Variants in STPG2 observed in about 807,000 individuals in gnomAD.
STPG2 encodes sperm tail PG-rich repeat containing 2.
In STPG2, 56 loss-of-function variants were observed where a neutral mutation model predicts 54.2. The observed-to-expected ratio is 1.03, with a 90% CI of 0.83 to 1.29. The LOEUF (loss-of-function observed/expected upper bound fraction) is 1.29. Ranked by LOEUF, STPG2 falls within the 50% of genes most tolerant of loss-of-function variation. The pLI is 0.00. For synonymous variants in STPG2, 200 were observed against 181.8 expected (o/e 1.10, Z -0.81); for missense variants, 596 against 544.9 (o/e 1.09, Z -0.93).
intron 5 of STPG2, among the ~76,000 whole-genome samples, chr4:98,099,712 A>G (rs1738969179): frequency 6.6e-6 from 1 of 152,200 alleles, no homozygotes; most frequent in African/African-American, 2.4e-5. Flanking sequence ...GCATGCCTGT[A>G]TCAAAACATC....
chr4:98,075,203 C>T (rs1376683824), intron 5 of STPG2, among the ~76,000 whole-genome samples: 1 of 152,194 alleles, frequency 6.6e-6, no homozygotes, highest in Admixed American at 6.5e-5. Flanking sequence ...ACCACCAAAT[C>T]TAGCCTACAT....
At chr4:97,818,828 T>A (rs1022535161) in intron 9 of STPG2, among the ~76,000 whole-genome samples, 1 of 151,662 alleles carries the variant, frequency 6.6e-6, no homozygotes, top group African/African-American at 2.4e-5. Context: ...AAACTAATAA[T>A]CTGTGTACTA....
At chr4:97,498,152 T>A (rs971164897) in intron 4 of STPG2, among the ~76,000 whole-genome samples, 2 of 151,980 alleles carry the variant, frequency 1.3e-5, no homozygotes, top group South Asian at 4.1e-4. Flanking sequence ...AAAAACATAG[T>A]CTAGTCCCCA....
At chr4:98,053,555 T>C (rs1737393988) in intron 5 of STPG2, among the ~76,000 whole-genome samples, 1 of 152,134 alleles carries the variant, frequency 6.6e-6, no homozygotes, top group South Asian at 2.1e-4. Context: ...AATCTAAATT[T>C]GAGTAAAAGT....
intron 3 of STPG2, among the ~76,000 whole-genome samples, chr4:98,113,262 G>A (rs1052853404): frequency 1.3e-5 from 2 of 152,008 alleles, no homozygotes; most frequent in African/African-American, 4.8e-5. Context: ...TGTACTCAAT[G>A]GAAAGAGACT....
At chr4:97,740,182 C>T (rs1560509635) in intron 9 of STPG2, among the ~76,000 whole-genome samples, 1 of 152,180 alleles carries the variant, frequency 6.6e-6, no homozygotes, top group Non-Finnish European at 1.5e-5. Flanking sequence ...GCTAAAAACT[C>T]TCAATAAATT....
intron 5 of STPG2, among the ~76,000 whole-genome samples, chr4:97,994,372 T>C (rs940918841): frequency 3.9e-5 from 6 of 152,216 alleles, no homozygotes; most frequent in East Asian, 1.9e-4. Context: ...GTTGAGACTT[T>C]TTTTGTGGCC....
chr4:97,616,090 ATATATG>A (rs1373426315), intron 10 of STPG2, among the ~76,000 whole-genome samples: 4 of 84,890 alleles, frequency 4.7e-5, no homozygotes, highest in East Asian at 6.3e-4. Flanking sequence ...ATATATATAT[ATATATG>A]TATGTATATT....
intron 10 of STPG2, among the ~76,000 whole-genome samples, chr4:97,599,287 C>T (rs1204176254): frequency 6.6e-6 from 1 of 152,166 alleles, no homozygotes; most frequent in Non-Finnish European, 1.5e-5. Context: ...TGCTTATACA[C>T]CTCTGGTGGG....
intron 4 of STPG2, among the ~76,000 whole-genome samples, chr4:97,486,542 C>G (rs1428117677): frequency 6.6e-6 from 1 of 151,660 alleles, no homozygotes; most frequent in East Asian, 1.9e-4. Context: ...ATGCAGTGAA[C>G]AGGGAACACT....
intron 8 of STPG2, among the ~76,000 whole-genome samples, chr4:97,923,847 C>T (rs1179272940): frequency 6.6e-6 from 1 of 152,178 alleles, no homozygotes; most frequent in Non-Finnish European, 1.5e-5. Context: ...ATTGTAAACA[C>T]ACCAGTCAGC....
rs1440210061 is a variant in STPG2, at chr4:97,780,547, C to A, written c.1204+60226G>T. ...CGAGACAGAAAGTTAACAAGGATAT[C>A]CAGGAATTGAACTCAGCTCTGCAAC... On this transcript the variant is annotated intron_variant, in intron 9 of 10. Coordinates refer to ENST00000295268, the MANE Select transcript of STPG2 (RefSeq NM_174952.3). Among the ~76,000 whole-genome samples, 3 of 100,146 alleles carry A rather than the reference C, an allele frequency of 3.0e-5. No individual in the cohort carries two copies. The East Asian group carries it at 8.1e-4, about 27-fold the overall frequency. The allele number at this position is 100,146 out of a possible 152,430, so 65.7% of individuals were successfully genotyped here. A position where few individuals can be genotyped will look rare whatever the true frequency, so the allele number is the denominator to read the frequency against.
rs1722067131 is a variant in STPG2, at chr4:97,618,871, C to T, written c.1321-59754G>A. 2.0e-5 allele frequency among the ~76,000 whole-genome samples: 3 copies of T among 152,150 alleles called. No homozygotes were observed. The South Asian group carries it at 6.2e-4, about 31-fold the overall frequency. On this transcript the variant is annotated intron_variant, in intron 10 of 10. Transcript: ENST00000295268. Reference sequence around the variant, plus strand: ...TTGTTATGAGTTGTTACTTGACATTCATCAACAGAGTGGTGTTAGATATAA... The same window carrying T: ...TTGTTATGAGTTGTTACTTGACATTTATCAACAGAGTGGTGTTAGATATAA...
intron 7 of STPG2, among the ~76,000 whole-genome samples, chr4:97,963,349 A>G (rs757322856): frequency 1.6e-4 from 25 of 151,962 alleles, no homozygotes; most frequent in South Asian, 8.3e-4. Flanking sequence ...TAAATTTAAT[A>G]TTATGTTTTT....
At chr4:97,470,486 A>C (rs917220169) in intron 4 of STPG2, among the ~76,000 whole-genome samples, 1 of 152,034 alleles carries the variant, frequency 6.6e-6, no homozygotes, top group African/African-American at 2.4e-5. Flanking sequence ...GTCCCCCTTC[A>C]TCTGTGGGGA....
At chr4:97,675,366 T>C (rs1398013461) in intron 10 of STPG2, among the ~76,000 whole-genome samples, 1 of 152,134 alleles carries the variant, frequency 6.6e-6, no homozygotes, top group Non-Finnish European at 1.5e-5. Context: ...GAATTAATTA[T>C]ATTTGCAAGC....
intron 7 of STPG2, among the ~76,000 whole-genome samples, chr4:97,955,163 G>C (rs930120822): frequency 1.3e-5 from 2 of 150,832 alleles, no homozygotes; most frequent in Non-Finnish European, 2.9e-5. Flanking sequence ...AACTCAGTAG[G>C]AAATATCTAA....
chr4:97,705,134 T>C (rs1723899686), intron 10 of STPG2, among the ~76,000 whole-genome samples: 2 of 152,072 alleles, frequency 1.3e-5, no homozygotes, highest in Admixed American at 6.6e-5. Context: ...TTCTATTCAT[T>C]TTATATTTTA....
At chr4:97,753,417 C>T (rs1374324805) in intron 9 of STPG2, among the ~76,000 whole-genome samples, 2 of 151,912 alleles carry the variant, frequency 1.3e-5, no homozygotes, top group African/African-American at 4.8e-5. Context: ...AAATTTCTCT[C>T]CCTTTTACAG....
Sources: allele counts gnomAD v4.1 joint callset (sites outside exome capture counted in the v4.1 genomes callset), GRCh38; gene constraint gnomAD v4.1.1; transcripts MANE v1.5; gene names NCBI Gene and HGNC (gene_info 2026-07-23, HGNC 2026-07-21).